The following SOX5 variants were observed in gnomAD, a reference collection of about 807,000 sequenced individuals.
SOX5 encodes transcription factor SOX-5.
SOX5 carries 9 observed loss-of-function variants against 92.0 expected under a neutral mutation model. That is an observed-to-expected ratio of 0.10 (90% confidence interval 0.06 to 0.17). The LOEUF (loss-of-function observed/expected upper bound fraction) is 0.17. SOX5 is among the 10% of genes least tolerant of loss of function. The pLI, the probability that SOX5 is intolerant of heterozygous loss-of-function variation, is 1.00. For synonymous variants in SOX5, 344 were observed against 336.3 expected, an observed-to-expected ratio of 1.02 and a Z score of -0.25; for missense variants, 642 against 944.5, an observed-to-expected ratio of 0.68 and a Z score of 4.20.
At chr12:24,358,239 ATAC>A (rs1378874150) in intron 2 of SOX5, among the ~76,000 whole-genome samples, 1 of 152,228 alleles carries the variant, frequency 6.6e-6, no homozygotes, top group Non-Finnish European at 1.5e-5. Context: ...ATAATTATAG[ATAC>A]TACATTTAAT....
chr12:24,038,705 C>T (rs1002033603), intron 4 of SOX5, among the ~76,000 whole-genome samples: 8 of 152,096 alleles, frequency 5.3e-5, no homozygotes, highest in Non-Finnish European at 1.2e-4. Flanking sequence ...TTTGAGGTCC[C>T]CCTCTCAGGA....
intron 9 of SOX5, among the ~76,000 whole-genome samples, chr12:23,586,267 CT>C (rs1950724690): frequency 1.3e-5 from 2 of 152,082 alleles, no homozygotes; most frequent in Non-Finnish European, 2.9e-5. Flanking sequence ...CCATCTACCC[CT>C]GTCTCTTGTT....
At chr12:24,538,683 G>T (rs1191588605) in intron 1 of SOX5, among the ~76,000 whole-genome samples, 1 of 151,392 alleles carries the variant, frequency 6.6e-6, no homozygotes. Context: ...CTTCCACTTA[G>T]AGCCTTTTAA....
chr12:24,552,709 C>A (rs559804099), intron 1 of SOX5, among the ~76,000 whole-genome samples: 1 of 152,162 alleles, frequency 6.6e-6, no homozygotes, highest in Admixed American at 6.5e-5. Flanking sequence ...ATTTAGAAAT[C>A]GCTTTATAGG....
chr12:24,194,501 G>T (rs1956832476), intron 4 of SOX5, among the ~76,000 whole-genome samples: 1 of 152,098 alleles, frequency 6.6e-6, no homozygotes, highest in Non-Finnish European at 1.5e-5. Context: ...TCAATAGATT[G>T]ATAAAAATGT....
At position 24,311,269 on chromosome 12, in the gene SOX5, T is replaced by C. The variant is rs553710671; in HGVS notation, c.-173-33957A>G. 8.5e-5 allele frequency among the ~76,000 whole-genome samples: 13 copies of C among 152,322 alleles called. No individual in the cohort carries two copies. In the South Asian group the frequency reaches 2.1e-3, roughly 24 times the overall value. ...GTCCAATCATGTTTTTCCATGATTA[T>C]CCATGTAATTCATCAGACTTAGCAT... is the stretch of plus-strand genomic sequence containing the variant. On this transcript the variant is annotated intron_variant, in intron 2 of 4. Coordinates refer to the SOX5 transcript ENST00000446891.
chr12:24,128,283 G>GA (rs1949307453), intron 4 of SOX5, among the ~76,000 whole-genome samples: 1 of 152,202 alleles, frequency 6.6e-6, no homozygotes, highest in African/African-American at 2.4e-5. Flanking sequence ...ATCTTCTGAG[G>GA]AAAAAAATTC....
intron 2 of SOX5, among the ~76,000 whole-genome samples, chr12:24,297,406 T>C (rs496119): frequency 0.79 from 119,637 of 152,182 alleles, 47,346 homozygotes; most frequent in East Asian, 0.98. Flanking sequence ...CCACACAGCA[T>C]GGGCTGAAAA....
chr12:23,679,638 C>A (rs1470713957), intron 6 of SOX5, among the ~76,000 whole-genome samples: 28 of 152,132 alleles, frequency 1.8e-4, no homozygotes, highest in Non-Finnish European at 4.4e-5. Context: ...TCAGTAAAAA[C>A]TCAATCTCCA....
intron 10 of SOX5, among the ~76,000 whole-genome samples, chr12:23,574,661 C>T (rs1248211434): frequency 6.6e-6 from 1 of 152,154 alleles, no homozygotes; most frequent in Non-Finnish European, 1.5e-5. Flanking sequence ...GCCATCTGAT[C>T]CTTTCAGTTT....
At chr12:23,886,691 T>C (rs1317400910) in intron 2 of SOX5, among the ~76,000 whole-genome samples, 1 of 152,160 alleles carries the variant, frequency 6.6e-6, no homozygotes, top group Admixed American at 6.5e-5. Context: ...CCTTCCCTAT[T>C]TCTTAAACTT....
chr12:24,136,195 A>G (rs771092701), intron 4 of SOX5, among the ~76,000 whole-genome samples: 6 of 152,256 alleles, frequency 3.9e-5, no homozygotes, highest in Non-Finnish European at 8.8e-5. Context: ...GAGAGAAGTC[A>G]GAGGACCAAG....
intron 1 of SOX5, among the ~76,000 whole-genome samples, chr12:24,403,140 T>C (rs182644272): frequency 1.3e-5 from 2 of 152,318 alleles, no homozygotes; most frequent in Admixed American, 1.3e-4. Context: ...TGAGCAGATG[T>C]TCTTTCTTCC....
At chr12:24,080,954 T>C (rs1161681082) in intron 4 of SOX5, among the ~76,000 whole-genome samples, 1 of 151,972 alleles carries the variant, frequency 6.6e-6, no homozygotes, top group Non-Finnish European at 1.5e-5. Context: ...ACAAATTCCA[T>C]GTACTTGCAC....
At chr12:23,722,042 T>C (rs1392369467) in intron 6 of SOX5, among the ~76,000 whole-genome samples, 2 of 152,150 alleles carry the variant, frequency 1.3e-5, no homozygotes, top group Non-Finnish European at 2.9e-5. Flanking sequence ...AAATACAAAA[T>C]TGTGTGAATA....
At chr12:24,273,078 TAAAAG>T (rs1468832601) in intron 3 of SOX5, among the ~76,000 whole-genome samples, 1 of 152,080 alleles carries the variant, frequency 6.6e-6, no homozygotes, top group African/African-American at 2.4e-5. Flanking sequence ...ACTAAAAGTA[TAAAAG>T]AAATCAGCCA....
chr12:24,322,398 A>AAAG (rs10632975), intron 2 of SOX5, among the ~76,000 whole-genome samples: 151,835 of 152,206 alleles, frequency 1, 75,734 homozygotes, highest in Middle Eastern at 1. Flanking sequence ...CATAAAAACT[A>AAAG]AAGATAACAA....
chr12:23,579,732 C>A (rs905185767), intron 9 of SOX5, among the ~76,000 whole-genome samples: 1 of 152,038 alleles, frequency 6.6e-6, no homozygotes, highest in Non-Finnish European at 1.5e-5. Flanking sequence ...AAAAGCTTAA[C>A]ATGATTAACT....
intron 8 of SOX5, among the ~76,000 whole-genome samples, chr12:23,640,488 A>G (rs1463313454): frequency 1.3e-5 from 2 of 152,140 alleles, no homozygotes; most frequent in Non-Finnish European, 2.9e-5. Flanking sequence ...TATCTTTTGC[A>G]GGGTTTTTTG....
Sources: gnomAD v4.1 joint callset for allele counts (sites outside exome capture counted in the v4.1 genomes callset) on GRCh38, gnomAD v4.1.1 for gene constraint, MANE v1.5 for transcripts, NCBI Gene and HGNC (gene_info 2026-07-23, HGNC 2026-07-21) for gene names.